REV3L: variants seen among roughly 807,000 people sequenced by gnomAD.
REV3L encodes the protein DNA polymerase zeta catalytic subunit.
Under a neutral mutation model 299.4 loss-of-function variants are expected in REV3L, and 69 were observed. The observed-to-expected ratio is 0.23, with a 90% CI of 0.19 to 0.28. The LOEUF (loss-of-function observed/expected upper bound fraction) is 0.28, where lower values mean the gene tolerates loss of function less well. REV3L is among the 10% of genes least tolerant of loss of function. The pLI is 1.00. For missense variants in REV3L, 3,128 were observed against 3,693.8 expected, an observed-to-expected ratio of 0.85 and a Z score of 3.97; for synonymous variants, 1,238 against 1,271.4, an observed-to-expected ratio of 0.97 and a Z score of 0.56.
In REV3L at chr6:111,333,263, A is replaced by G; in HGVS notation, c.7785T>C (p.Val2595=). 6.2e-7 allele frequency: 1 copy of G among 1,614,142 alleles called. No individual in the cohort carries two copies. The highest frequency in any genetic ancestry group is 8.5e-7 in the Non-Finnish European group (1 of 1,180,000). ...GGGATTCAGGCTCCATAATTAGAGG[A>G]ACACACTGTGGGGCTCTCATCTGGG... ...QRSQMRAPQC[V]PLIMEPESRF... is the part of the protein sequence containing the mutation. Residue 2595 remains valine (V), a synonymous_variant, in exon 23 of 32, where the codon GTT becomes GTC. Coordinates refer to ENST00000368802, the MANE Select transcript of REV3L (RefSeq NM_001372078.1).
chr6:111,331,099 G>A (rs1775331673), intron 24 of REV3L: 1 of 754,618 alleles, frequency 1.3e-6, no homozygotes, highest in Non-Finnish European at 1.6e-6. Context: ...GCATTTAAGA[G>A]GCAATATAAT....
Position 111,376,372 on chromosome 6 carries a change from A to G in REV3L, c.1983T>C (p.Asp661=). 1 of 1,612,468 alleles carries G rather than the reference A, an allele frequency of 6.2e-7. No individual in the cohort carries two copies. The highest frequency in any genetic ancestry group is 8.5e-7 in the Non-Finnish European group (1 of 1,179,564). ...TAACAGATGGAATATCTTCTTCATAATCAAAAATACTACTTTCACAGGAAG... is the reference window on the plus strand; with the variant it reads ...TAACAGATGGAATATCTTCTTCATAGTCAAAAATACTACTTTCACAGGAAG... ...PVSSCESSIF[D]YEEDIPSVTR... is the part of the protein sequence containing the mutation. Residue 661 remains aspartate (D), a synonymous_variant, in exon 13 of 32, where the codon GAT becomes GAC. Coordinates refer to ENST00000368802, the MANE Select transcript of REV3L (RefSeq NM_001372078.1).
intron 12 of REV3L, among the ~76,000 whole-genome samples, 182 bp from the exon 13 acceptor site, chr6:111,376,939 TA>T (rs1231542680): frequency 1.3e-4 from 20 of 152,218 alleles, no homozygotes; most frequent in Admixed American, 1.3e-3. Context: ...TAGTTACAAT[TA>T]TTAGTCATCA....
At chr6:111,478,571 T>C (rs558795558) in intron 1 of REV3L, among the ~76,000 whole-genome samples, 1 of 151,820 alleles carries the variant, frequency 6.6e-6, no homozygotes, top group South Asian at 2.1e-4. Flanking sequence ...TGAACCTGAG[T>C]TGTTGATACA....
intron 1 of REV3L, among the ~76,000 whole-genome samples, chr6:111,441,283 C>T (rs1219538692): frequency 6.6e-6 from 1 of 152,044 alleles, no homozygotes; most frequent in Non-Finnish European, 1.5e-5. Context: ...GACAGGGTCT[C>T]GCTCTGTCAC....
At chr6:111,456,292 T>G (rs1024451186) in intron 1 of REV3L, among the ~76,000 whole-genome samples, 2 of 152,176 alleles carry the variant, frequency 1.3e-5, no homozygotes, top group Non-Finnish European at 2.9e-5. Context: ...AGTTAACAGT[T>G]GTCAACAGAA....
intron 1 of REV3L, among the ~76,000 whole-genome samples, chr6:111,462,771 T>C (rs963126604): frequency 2.0e-5 from 3 of 152,156 alleles, no homozygotes; most frequent in African/African-American, 4.8e-5. Context: ...TGCTCATATT[T>C]ATAATTTAAA....
rs553079156 is a variant in REV3L, at chr6:111,465,091, T to G, written c.139+17659A>C. Among the ~76,000 whole-genome samples, 271 of 150,364 alleles carry G rather than the reference T, an allele frequency of 1.8e-3. 1 individual carries two copies. The highest frequency in any genetic ancestry group is 6.3e-3 in the African/African-American group (261 of 41,322). ...AATAAAGTTATTTTTATTTGTTTTT[T>G]TTTTTTTTTTGAGATGGAGTTTCTC... On this transcript the variant is annotated intron_variant, in intron 1 of 31. Transcript: ENST00000368802.
intron 26 of REV3L, among the ~76,000 whole-genome samples, chr6:111,317,131 TC>T (rs201847621): frequency 1.3e-5 from 2 of 152,246 alleles, no homozygotes; most frequent in East Asian, 1.9e-4. Flanking sequence ...ACTTTAAGAT[TC>T]TTTTTTCTAG....
At chr6:111,325,024 G>A (rs376743472) in intron 25 of REV3L, among the ~76,000 whole-genome samples, 52 of 152,206 alleles carry the variant, frequency 3.4e-4, no homozygotes, top group African/African-American at 1.2e-3. Flanking sequence ...ACTACGCCCG[G>A]CTAATTTTTT....
At chr6:111,403,322 T>C (rs1783279390) in intron 4 of REV3L, among the ~76,000 whole-genome samples, 2 of 152,236 alleles carry the variant, frequency 1.3e-5, no homozygotes, top group Admixed American at 6.5e-5. Context: ...GATGGTTGCA[T>C]AACTCCAAAT....
At position 111,390,112 on chromosome 6, in the gene REV3L, T is replaced by G. The variant is rs1231100441; in HGVS notation, c.731A>C (p.Asp244Ala). 129 of 1,609,214 alleles carry G rather than the reference T, an allele frequency of 8.0e-5. No homozygotes were observed. Among genetic ancestry groups the G allele is most frequent in the Non-Finnish European group, 9.7e-5 (114 of 1,175,862 alleles). ...CELEVDAVAADILNRLDIEAQ... is the reference protein window; with the variant it reads ...CELEVDAVAAAILNRLDIEAQ... Reference sequence around the variant, plus strand: ...TTCAATGTCCAGACGATTTAAGATATCAGCAGCTACAGCATCCACTTCTAA... The same window carrying G: ...TTCAATGTCCAGACGATTTAAGATAGCAGCAGCTACAGCATCCACTTCTAA... Residue 244 changes from aspartate (D) to alanine (A), a missense_variant, in exon 6 of 32, where the codon GAT becomes GCT. By Grantham distance (126) the Asp-to-Ala change is moderately radical (BLOSUM62 -2). This residue lies in a region of REV3L where 2,409 missense variants were observed against 2,611.8 expected (regional missense o/e 0.92). Coordinates refer to ENST00000368802, the MANE Select transcript of REV3L (RefSeq NM_001372078.1).
intron 1 of REV3L, among the ~76,000 whole-genome samples, chr6:111,438,927 C>CA (rs34014721): frequency 0.4 from 61,234 of 151,596 alleles, 14,928 homozygotes; most frequent in Non-Finnish European, 0.55. Context: ...TATTAAAAGA[C>CA]AAAAAAAACA....
At chr6:111,353,147 C>A (rs17539875) in intron 18 of REV3L, among the ~76,000 whole-genome samples, 6 of 152,058 alleles carry the variant, frequency 3.9e-5, no homozygotes, top group Non-Finnish European at 7.4e-5. Context: ...ATACCCTAAG[C>A]CTCAGCCAAT....
intron 1 of REV3L, among the ~76,000 whole-genome samples, chr6:111,442,072 G>C (rs1788330228): frequency 1.3e-5 from 2 of 152,180 alleles, no homozygotes; most frequent in South Asian, 4.1e-4. Flanking sequence ...CGGCGCTGGT[G>C]GTTTCCCTTG....
chr6:111,373,034 T>C lies in REV3L; in HGVS notation c.5321A>G (p.Lys1774Arg). 6.2e-7 allele frequency: 1 copy of C among 1,614,124 alleles called. No individual in the cohort carries two copies. Among genetic ancestry groups the C allele is most frequent in the Non-Finnish European group, 8.5e-7 (1 of 1,179,994 alleles). The part of the protein sequence containing the change: ...VQQAEDCLSE[K>R]SRLNRSSVSK... Reference sequence around the variant, plus strand: ...TACTGAACTCCTATTCAATCTAGATTTTTCACTTAGACAGTCTTCTGCCTG... The same window carrying C: ...TACTGAACTCCTATTCAATCTAGATCTTTCACTTAGACAGTCTTCTGCCTG... The change falls in exon 13 of 32, where the codon AAA becomes AGA. Residue 1774 changes from lysine (K) to arginine (R), a missense_variant. Transcript: ENST00000368802.
intron 5 of REV3L, 21 bp from the exon 6 acceptor site, chr6:111,390,201 A>C (rs1354037868): frequency 7.0e-7 from 1 of 1,428,928 alleles, no homozygotes; most frequent in East Asian, 2.3e-5. Context: ...AGGATATAAA[A>C]AACATAATAA....
rs181178389 is a variant in REV3L at position 111,470,264 on chromosome 6, T to C, written c.139+12486A>G. On this transcript the variant is annotated intron_variant, in intron 1 of 31. Coordinates refer to ENST00000368802, the MANE Select transcript of REV3L (RefSeq NM_001372078.1). ...CACTGTCACATCTCAATAATGGCTA[T>C]TATCAAATTCTGGAAGTGTTAGAAG... 2.2e-3 allele frequency among the ~76,000 whole-genome samples: 329 copies of C among 152,258 alleles called. 1 individual carries two copies. The highest frequency in any genetic ancestry group is 7.5e-3 in the African/African-American group (310 of 41,538).
chr6:111,438,915 T>C (rs1165775545), intron 1 of REV3L, among the ~76,000 whole-genome samples: 2 of 135,578 alleles, frequency 1.5e-5, no homozygotes. Context: ...ACATCTTTAA[T>C]GTATTAAAAG....
Sources: gnomAD v4.1 joint callset for allele counts (sites outside exome capture counted in the v4.1 genomes callset) on GRCh38, gnomAD v4.1.1 for gene constraint, gnomAD v4.1.1 regional missense constraint, MANE v1.5 for transcripts, NCBI Gene and HGNC (gene_info 2026-07-23, HGNC 2026-07-21) for gene names.